ANXA8: variants seen among roughly 807,000 people sequenced by gnomAD.
ANXA8 encodes VAC-beta.
ANXA8 carries 9 observed loss-of-function variants against 26.8 expected under a neutral mutation model. That is an observed-to-expected ratio of 0.34 (90% CI 0.20 to 0.59). The LOEUF is 0.59. ANXA8 is among the 20% of genes least tolerant of loss of function. The probability of loss-of-function intolerance (pLI) is 0.84; values close to 1 mark genes in which losing one functional copy is unlikely to be tolerated. For missense variants in ANXA8, 83 were observed against 238.5 expected (o/e 0.35, Z 4.29); for synonymous variants, 39 against 94.8 (o/e 0.41, Z 3.42).
chr10:47,726,662 C>T, the ANXA8 span, among the ~76,000 whole-genome samples: 1 of 152,264 alleles, frequency 6.6e-6, no homozygotes, highest in Non-Finnish European at 1.5e-5. Flanking sequence ...ATTTGAAGCT[C>T]TTGGGGAAAA....
the ANXA8 span, among the ~76,000 whole-genome samples, chr10:47,953,521 T>G: frequency 6.6e-6 from 1 of 150,956 alleles, no homozygotes; most frequent in Admixed American, 6.6e-5. Flanking sequence ...AAGTTTCTTA[T>G]GAATTTAAAT....
the ANXA8 span, among the ~76,000 whole-genome samples, chr10:47,518,724 T>C: frequency 7.6e-6 from 1 of 132,042 alleles, no homozygotes; most frequent in East Asian, 3.2e-4. Context: ...TAAATTTTGA[T>C]GTTAAAATGA....
At chr10:47,721,008 A>G in the ANXA8 span, among the ~76,000 whole-genome samples, 1 of 137,970 alleles carries the variant, frequency 7.2e-6, no homozygotes, top group Admixed American at 7.4e-5. Flanking sequence ...AAAGCTGGGC[A>G]TGGTGACATA....
the ANXA8 span, among the ~76,000 whole-genome samples, chr10:47,708,022 TGGAA>T: frequency 4.3e-5 from 6 of 139,906 alleles, no homozygotes; most frequent in Non-Finnish European, 9.5e-5. Flanking sequence ...ATATACACCA[TGGAA>T]TTCTACACAG....
At chr10:47,535,119 C>T in the ANXA8 span, among the ~76,000 whole-genome samples, 1 of 125,948 alleles carries the variant, frequency 7.9e-6, no homozygotes, top group South Asian at 2.4e-4. Context: ...AGATCATGGG[C>T]GCGCAACACA....
chr10:47,506,008 G>C, the ANXA8 span, among the ~76,000 whole-genome samples: 1 of 142,398 alleles, frequency 7.0e-6, no homozygotes, highest in Non-Finnish European at 1.5e-5. Flanking sequence ...AATACTTAAA[G>C]GCCTGTTAAA....
the ANXA8 span, among the ~76,000 whole-genome samples, chr10:47,647,966 G>A: frequency 6.6e-6 from 1 of 151,844 alleles, no homozygotes; most frequent in Non-Finnish European, 1.5e-5. Flanking sequence ...TGAATAAAGG[G>A]AAGAGACTGG....
the ANXA8 span, among the ~76,000 whole-genome samples, chr10:47,670,533 T>C: frequency 6.6e-6 from 1 of 152,100 alleles, no homozygotes; most frequent in African/African-American, 2.4e-5. Flanking sequence ...CTGTTTTCCA[T>C]TAAAAACTTT....
the ANXA8 span, chr10:47,502,356 C>T: frequency 6.2e-7 from 1 of 1,608,206 alleles, no homozygotes; most frequent in South Asian, 1.1e-5. Flanking sequence ...TGGCCCGCAG[C>T]AGCTGCTGGC....
At chr10:47,485,828 G>A (rs1840031514), upstream of ANXA8, among the ~76,000 whole-genome samples, 2 of 151,988 alleles carry the variant, frequency 1.3e-5, no homozygotes. Flanking sequence ...AATATTCTGG[G>A]CCAGGTGCGG....
At chr10:47,502,203 G>T in the ANXA8 span, 1 of 1,541,852 alleles carries the variant, frequency 6.5e-7, no homozygotes, top group East Asian at 2.9e-5. Flanking sequence ...ACCCCGTCAG[G>T]AGCTGCTCCA....
chr10:47,715,312 G>T, the ANXA8 span, among the ~76,000 whole-genome samples: 1 of 93,460 alleles, frequency 1.1e-5, no homozygotes. Flanking sequence ...CGGGAGTGGT[G>T]GCACGCACCT....
the ANXA8 span, among the ~76,000 whole-genome samples, chr10:47,587,620 C>CTG: frequency 6.8e-6 from 1 of 147,210 alleles, no homozygotes; most frequent in Admixed American, 6.6e-5. Context: ...TTTAAACACT[C>CTG]TGTGCCCCCA....
chr10:47,687,767 T>C, the ANXA8 span, among the ~76,000 whole-genome samples: 2 of 151,888 alleles, frequency 1.3e-5, no homozygotes, highest in Non-Finnish European at 2.9e-5. Context: ...TTGGAATATG[T>C]AGTTATAGCA....
chr10:47,522,587 C>A, the ANXA8 span, among the ~76,000 whole-genome samples: 1 of 143,292 alleles, frequency 7.0e-6, no homozygotes, highest in African/African-American at 2.7e-5. Context: ...CATATAGCCT[C>A]TCCCGTGGCA....
the ANXA8 span, among the ~76,000 whole-genome samples, chr10:47,941,051 C>T: frequency 2.8e-5 from 4 of 143,778 alleles, no homozygotes; most frequent in African/African-American, 1.1e-4. Context: ...CCTGATTGTA[C>T]TTCCTCCACC....
At chr10:47,493,761 C>A in the ANXA8 span, among the ~76,000 whole-genome samples, 18 of 149,874 alleles carry the variant, frequency 1.2e-4, no homozygotes, top group South Asian at 3.4e-3. Context: ...TGGTCCCCTG[C>A]CCATGAGACC....
At chr10:47,675,070 A>G in the ANXA8 span, among the ~76,000 whole-genome samples, 1 of 143,786 alleles carries the variant, frequency 7.0e-6, no homozygotes, top group Non-Finnish European at 1.5e-5. Context: ...GAATGGAGAA[A>G]CCAAGATCTA....
the ANXA8 span, among the ~76,000 whole-genome samples, chr10:47,918,431 A>AAG: frequency 3.4e-3 from 106 of 31,084 alleles, 12 homozygotes; most frequent in South Asian, 5.9e-3. Context: ...GAAAGAAAGA[A>AAG]AGAGAGAGAG....
Sources: gnomAD v4.1 joint callset for allele counts (sites outside exome capture counted in the v4.1 genomes callset) on GRCh38, gnomAD v4.1.1 for gene constraint, MANE v1.5 for transcripts, NCBI Gene and HGNC (gene_info 2026-07-23, HGNC 2026-07-21) for gene names.